Variants in SYNJ1 observed in about 807,000 individuals in gnomAD.
SYNJ1 encodes the protein polyphosphatidylinositol phosphatase SYNJ1.
A neutral mutation model predicts 168.2 loss-of-function variants in SYNJ1; 78 were observed. The observed-to-expected ratio is 0.46, with a 90% CI of 0.39 to 0.56. SYNJ1 has a LOEUF of 0.56. Among genes scored for constraint, SYNJ1 ranks in the 20% least tolerant of loss-of-function variants. SYNJ1 has a pLI of 0.00. For missense variants in SYNJ1, 1,303 were observed against 1,597.6 expected, an observed-to-expected ratio of 0.82 and a Z score of 3.14; for synonymous variants, 539 against 548.6, an observed-to-expected ratio of 0.98 and a Z score of 0.24.
intron 15 of SYNJ1, among the ~76,000 whole-genome samples, chr21:32,669,706 C>T (rs1312641484): frequency 1.3e-5 from 2 of 152,162 alleles, no homozygotes; most frequent in African/African-American, 4.8e-5. Flanking sequence ...ATCTATACTA[C>T]AGCAGAGAAT....
intron 32 of SYNJ1, among the ~76,000 whole-genome samples, chr21:32,632,540 C>T (rs2039379700): frequency 6.6e-6 from 1 of 152,112 alleles, no homozygotes; most frequent in Non-Finnish European, 1.5e-5. Flanking sequence ...CGTGTGCCAC[C>T]AGGTCTAGCT....
At chr21:32,726,207 C>T (rs1455588735) in intron 2 of SYNJ1, among the ~76,000 whole-genome samples, 1 of 152,196 alleles carries the variant, frequency 6.6e-6, no homozygotes, top group African/African-American at 2.4e-5. Context: ...CCTAAAATAA[C>T]TCAAACATTA....
Position 32,687,025 on chromosome 21 carries a change from A to G in SYNJ1, c.901T>C (p.Leu301=). Residue 301 remains leucine (L), a synonymous_variant, in exon 8 of 33, where the codon TTG becomes CTG. Coordinates refer to ENST00000674351, the MANE Select transcript of SYNJ1 (RefSeq NM_203446.3). ...TGTTCACCTTCCTTAGATCCAAGCA[A>G]ATTTACTATTATTTGTTTACCATAT... ...NLYGKQIIVN[L]LGSKEGEHML... is the part of the protein sequence containing the mutation. The G allele has an allele frequency of 6.5e-7, 1 of 1,549,806 alleles. No individual in the cohort carries two copies. Among genetic ancestry groups the G allele is most frequent in the Non-Finnish European group, 8.7e-7 (1 of 1,154,442 alleles).
intron 2 of SYNJ1, among the ~76,000 whole-genome samples, chr21:32,705,242 T>C (rs2042566534): frequency 6.6e-6 from 1 of 151,928 alleles, no homozygotes; most frequent in Non-Finnish European, 1.5e-5. Context: ...ATATATGTCA[T>C]ATACATATAT....
At position 32,727,931 on chromosome 21, in the gene SYNJ1, C is replaced by T. The variant is rs546859861; in HGVS notation, c.-23+15G>A. 77 of 1,532,240 alleles carry T rather than the reference C, an allele frequency of 5.0e-5. 3 individuals are homozygous for T. In the South Asian group the frequency reaches 8.7e-4, roughly 17 times the overall value. 94.9% of individuals were successfully genotyped at this position (1,532,240 alleles called of 1,614,324 possible). A position where few individuals can be genotyped will look rare whatever the true frequency, so the allele number is the denominator to read the frequency against. On this transcript the variant is annotated intron_variant, in intron 1 of 32. Transcript: ENST00000674351. ...CTGGCCGCAGCAGCTCCCCGCCCCC[C>T]GCCGGCTTGCTCACCTCTTCCTCCG...
chr21:32,630,794 A>G lies in SYNJ1; in HGVS notation c.*1011T>C. The G allele has an allele frequency of 1.9e-6, 1 of 518,348 alleles. No homozygotes were observed. The highest frequency in any genetic ancestry group is 3.3e-6 in the Non-Finnish European group (1 of 301,654). 32.1% of individuals were successfully genotyped at this position (518,348 alleles called of 1,614,324 possible). The stretch of plus-strand genomic sequence containing the variant: ...TATTCATCCAAAGAGAAATACATCA[A>G]AACTCCAGTTAACAATGAGAAGGGT... On this transcript the variant is annotated 3_prime_UTR_variant, in exon 33 of 33. Coordinates refer to ENST00000674351, the MANE Select transcript of SYNJ1 (RefSeq NM_203446.3).
At chr21:32,720,651 G>T (rs1307790701) in intron 2 of SYNJ1, among the ~76,000 whole-genome samples, 1 of 152,174 alleles carries the variant, frequency 6.6e-6, no homozygotes, top group African/African-American at 2.4e-5. Flanking sequence ...AAGCCTGAAA[G>T]TAATCTTACC....
intron 2 of SYNJ1, among the ~76,000 whole-genome samples, chr21:32,707,857 A>G (rs1299478149): frequency 6.6e-6 from 1 of 152,164 alleles, no homozygotes; most frequent in Non-Finnish European, 1.5e-5. Flanking sequence ...TCTCTATTAA[A>G]AATACAAAAA....
chr21:32,714,219 C>G (rs1053411249), intron 2 of SYNJ1, among the ~76,000 whole-genome samples: 8 of 152,208 alleles, frequency 5.3e-5, no homozygotes, highest in Non-Finnish European at 1.0e-4. Context: ...GAGGTTAGAA[C>G]ATAGAAACCA....
At chr21:32,644,929 A>G in intron 26 of SYNJ1, 39 bp downstream of exon 26, 1 of 1,596,224 alleles carries the variant, frequency 6.3e-7, no homozygotes, top group South Asian at 1.2e-5. Context: ...AACATTAATG[A>G]ACCACGATTC....
chr21:32,726,736 A>C (rs1434937158), intron 2 of SYNJ1, 36 bp downstream of exon 2: 1 of 1,609,078 alleles, frequency 6.2e-7, no homozygotes, highest in East Asian at 2.2e-5. Context: ...ATCAAAACAG[A>C]GACCATGACA....
rs201796096 is a variant in SYNJ1, at chr21:32,688,354, C to T, written c.803G>A (p.Arg268His). Residue 268 changes from arginine to histidine, a missense_variant, in exon 7 of 33, where the codon CGT becomes CAT. Physicochemically the swap from Arg to His is conservative, Grantham distance 29. Transcript: ENST00000674351. ...TTCAAATCCCCTTGACATACGGACA[C>T]GATGAGATCCCACCTTAGACAAGAA... The part of the protein sequence containing the change: ...EQPGLQVGSH[R>H]VRMSRGFEAN... 2.9e-5 allele frequency: 46 copies of T among 1,613,376 alleles called. No homozygotes were observed. Among genetic ancestry groups the T allele is most frequent in the Non-Finnish European group, 3.5e-5 (41 of 1,179,814 alleles).
chr21:32,724,584 G>T lies in SYNJ1; in HGVS notation c.124+2188C>A, dbSNP rs1308725100. Among the ~76,000 whole-genome samples, 4 of 152,162 alleles carry T rather than the reference G, an allele frequency of 2.6e-5. No homozygotes were observed. The East Asian group carries it at 7.7e-4, about 29-fold the overall frequency. ...GAATGCACTGAAATTCAGGGAGCTGGGATTATTGAAGATGAAGAGAACACA... is the reference window on the plus strand; with the variant it reads ...GAATGCACTGAAATTCAGGGAGCTGTGATTATTGAAGATGAAGAGAACACA... On this transcript the variant is annotated intron_variant, in intron 2 of 32. Transcript: ENST00000674351.
Position 32,653,284 on chromosome 21 carries a change from T to TTACC in SYNJ1, c.2874_2874+3dup, listed in dbSNP as rs1322409507. ...TGGTTTAGAATCAACAAATGCTACC[T>TTACC]TACCTCTTTACCATTTAGGCTCAGA... On this transcript the variant is annotated splice_donor_region_variant and intron_variant, in intron 22 of 32. Coordinates refer to ENST00000674351, the MANE Select transcript of SYNJ1 (RefSeq NM_203446.3). 6.2e-7 allele frequency: 1 copy of TTACC among 1,610,730 alleles called. No homozygotes were observed. Among genetic ancestry groups the TTACC allele is most frequent in the Non-Finnish European group, 8.5e-7 (1 of 1,177,330 alleles).
At chr21:32,726,321 C>A (rs2043452302) in intron 2 of SYNJ1, among the ~76,000 whole-genome samples, 1 of 152,150 alleles carries the variant, frequency 6.6e-6, no homozygotes, top group African/African-American at 2.4e-5. Context: ...ACATGAAAAT[C>A]TAGAGGTTGT....
At chr21:32,670,878 G>GT in intron 14 of SYNJ1, 1 of 882,394 alleles carries the variant, frequency 1.1e-6, no homozygotes, top group South Asian at 5.2e-5. Flanking sequence ...GATCCAGAAA[G>GT]TAAGACACAT....
At chr21:32,727,778 G>A (rs2071688079) in intron 1 of SYNJ1, 168 bp downstream of exon 1, 1 of 1,366,062 alleles carries the variant, frequency 7.3e-7, no homozygotes, top group African/African-American at 1.5e-5. Context: ...CACAACCAGT[G>A]GTCTGCTCAC....
At chr21:32,646,356 C>T (rs1397158140) in intron 24 of SYNJ1, 37 bp downstream of exon 24, 1 of 1,592,866 alleles carries the variant, frequency 6.3e-7, no homozygotes. Flanking sequence ...ACATTGGCCA[C>T]AGGAAGCCAT....
At chr21:32,635,243 C>A (rs1210595360) in intron 31 of SYNJ1, among the ~76,000 whole-genome samples, 1 of 152,088 alleles carries the variant, frequency 6.6e-6, no homozygotes, top group Non-Finnish European at 1.5e-5. Context: ...ATTCCATAAG[C>A]CCCTGTGTGA....
Sources: allele counts gnomAD v4.1 joint callset (sites outside exome capture counted in the v4.1 genomes callset), GRCh38; gene constraint gnomAD v4.1.1; transcripts MANE v1.5; gene names NCBI Gene and HGNC (gene_info 2026-07-23, HGNC 2026-07-21).